SLC2A8: variants seen among roughly 807,000 people sequenced by gnomAD.
SLC2A8 encodes the protein solute carrier family 2, facilitated glucose transporter member 8.
SLC2A8 carries 53 observed loss-of-function variants against 49.2 expected under a neutral mutation model. The observed-to-expected ratio is 1.08, with a 90% confidence interval of 0.86 to 1.35. SLC2A8 has a LOEUF of 1.35. Among genes scored for constraint, SLC2A8 ranks in the 40% most tolerant of loss-of-function variants. The probability of loss-of-function intolerance (pLI) is 0.00; values close to 1 mark genes in which losing one functional copy is unlikely to be tolerated. For synonymous variants in SLC2A8, 299 were observed against 297.0 expected, an observed-to-expected ratio of 1.01 and a Z score of -0.07; for missense variants, 688 against 671.7, an observed-to-expected ratio of 1.02 and a Z score of -0.27.
chr9:127,402,741 C>T lies in SLC2A8; in HGVS notation c.711C>T (p.Ile237=), dbSNP rs772175308. 35 of 1,544,698 alleles carry T rather than the reference C, an allele frequency of 2.3e-5. No homozygotes were observed. The highest frequency in any genetic ancestry group is 2.8e-5 in the Non-Finnish European group (32 of 1,145,182). Reference sequence around the variant, plus strand: ...AGCAGGGCTGGGAAGACCCCCCCATCGGGGCTGAGCAGGTGAGAGGCTGGA... The same window carrying T: ...AGCAGGGCTGGGAAGACCCCCCCATTGGGGCTGAGCAGGTGAGAGGCTGGA... The part of the protein sequence containing the change: ...GSEQGWEDPP[I]GAEQSFHLAL... The change falls in exon 5 of 10, where the codon ATC becomes ATT. Residue 237 remains isoleucine (I), a synonymous_variant. Transcript: ENST00000373371.
chr9:127,397,423 T>C lies in SLC2A8; in HGVS notation c.104T>C (p.Leu35Pro). The C allele has an allele frequency of 6.7e-7, 1 of 1,485,764 alleles. No homozygotes were observed. The highest frequency in any genetic ancestry group is 1.3e-5 in the South Asian group (1 of 78,890). The allele number at this position is 1,485,764 out of a possible 1,614,324, so 92.0% of individuals were successfully genotyped here. A position where few individuals can be genotyped will look rare whatever the true frequency, so the allele number is the denominator to read the frequency against. Residue 35 changes from leucine to proline, a missense_variant, in exon 2 of 10, where the codon CTG (leucine) becomes CCG (proline). By Grantham distance (98) the Leu-to-Pro change is moderately conservative. Transcript: ENST00000373371. The stretch of plus-strand genomic sequence containing the variant: ...TTCCTCGCCGCCTTCGCCGCTGCCC[T>C]GGGCCCACTCAGCTTCGGCTTCGCG... ...RVFLAAFAAALGPLSFGFALG... is the reference protein window; with the variant it reads ...RVFLAAFAAAPGPLSFGFALG...
At chr9:127,405,856 T>C in intron 9 of SLC2A8, among the ~76,000 whole-genome samples, 1 of 152,086 alleles carries the variant, frequency 6.6e-6, no homozygotes, top group East Asian at 1.9e-4. Context: ...GAGCCTAAGG[T>C]CTTACATGGG....
At chr9:127,406,136 C>T in intron 9 of SLC2A8, 1 of 504,340 alleles carries the variant, frequency 2.0e-6, no homozygotes, top group Non-Finnish European at 4.0e-6. Flanking sequence ...GTTGTTTGTT[C>T]AGTCATTTGT....
intron 3 of SLC2A8, 144 bp downstream of exon 3, chr9:127,398,255 G>C (rs1339472763): frequency 3.4e-6 from 3 of 871,498 alleles, no homozygotes; most frequent in Non-Finnish European, 6.0e-6. Context: ...GTTATCTCGC[G>C]GTCCCTCCCG....
rs1244427158 is a variant in SLC2A8, at chr9:127,405,572, G to A, written c.1296+7G>A. On this transcript the variant is annotated splice_region_variant and intron_variant, in intron 9 of 9. Coordinates refer to ENST00000373371, the MANE Select transcript of SLC2A8 (RefSeq NM_014580.5). ...GGAGTTCAGCAGCCTCATGGTGAGG[G>A]CAGGCTCCACCAGCACCGCGTTCGT... The A allele has an allele frequency of 3.7e-6, 6 of 1,612,858 alleles. No individual in the cohort carries two copies. The highest frequency in any genetic ancestry group is 4.2e-6 in the Non-Finnish European group (5 of 1,179,946).
rs1287798511 is a variant in SLC2A8, at chr9:127,407,535, GC to G, written c.*288del. On this transcript the variant is annotated 3_prime_UTR_variant, in exon 10 of 10. Coordinates refer to ENST00000373371, the MANE Select transcript of SLC2A8 (RefSeq NM_014580.5). ...ACTAAAGCAGCGGAAGAGGAGGTGG[GC>G]CTCTAGGATCTTTGTCTTCTGGCTG... 1 of 529,432 alleles carries G rather than the reference GC, an allele frequency of 1.9e-6. No individual in the cohort carries two copies. The highest frequency in any genetic ancestry group is 3.8e-6 in the Non-Finnish European group (1 of 265,678). 32.8% of individuals were successfully genotyped at this position (529,432 alleles called of 1,614,324 possible).
chr9:127,405,646 C>A, intron 9 of SLC2A8, 81 bp downstream of exon 9: 1 of 1,554,664 alleles, frequency 6.4e-7, no homozygotes, highest in Non-Finnish European at 8.7e-7. Flanking sequence ...TGCAGAAGAC[C>A]CAGGGTCGTG....
rs774142933 is a variant in SLC2A8, at chr9:127,402,649, C to T, written c.619C>T (p.Arg207Cys). 55 of 1,592,026 alleles carry T rather than the reference C, an allele frequency of 3.5e-5. No homozygotes were observed. The East Asian group carries it at 7.5e-4, about 22-fold the overall frequency. The change falls in exon 5 of 10, where the codon CGC becomes TGC. Residue 207 changes from arginine (R) to cysteine (C), a missense_variant. By Grantham distance (180) the Arg-to-Cys change is radical. Transcript: ENST00000373371. Reference protein sequence around the residue: ...LLMCFMPETPRFLLTQHRRQE... With the variant: ...LLMCFMPETPCFLLTQHRRQE... ...CATGTGCTTCATGCCCGAGACCCCG[C>T]GCTTCCTGCTGACTCAGCACAGGCG...
At chr9:127,406,291 G>T (rs2131916358) in intron 9 of SLC2A8, among the ~76,000 whole-genome samples, 1 of 152,344 alleles carries the variant, frequency 6.6e-6, no homozygotes, top group Non-Finnish European at 1.5e-5. Flanking sequence ...AGTGGGGCTG[G>T]GTTAGGATGT....
chr9:127,406,266 G>A (rs1340772671), intron 9 of SLC2A8, among the ~76,000 whole-genome samples: 3 of 152,244 alleles, frequency 2.0e-5, no homozygotes, highest in Non-Finnish European at 4.4e-5. Flanking sequence ...TGGCAGTGGT[G>A]GGAGAATGAA....
chr9:127,397,774 G>GC (rs1833093900), intron 2 of SLC2A8, 131 bp from the exon 3 acceptor site: 4 of 1,120,062 alleles, frequency 3.6e-6, no homozygotes, highest in Non-Finnish European at 4.8e-6. Context: ...GGGCCCCTCA[G>GC]CCCCCTACCC....
Position 127,407,321 on chromosome 9 carries a change from C to T in SLC2A8, c.*72C>T. The T allele has an allele frequency of 3.8e-6, 6 of 1,571,328 alleles. No homozygotes were observed. In the East Asian group the frequency reaches 1.3e-4, roughly 35 times the overall value. On this transcript the variant is annotated 3_prime_UTR_variant, in exon 10 of 10. Coordinates refer to ENST00000373371, the MANE Select transcript of SLC2A8 (RefSeq NM_014580.5). ...CCCAAGCCCAGAGCCCCTGCCTGCC[C>T]CAGGGGAGCCAGAATCCAGCCCCTT...
intron 8 of SLC2A8, 44 bp from the exon 9 acceptor site, chr9:127,405,376 C>T (rs1361765193): frequency 2.0e-5 from 32 of 1,600,432 alleles, no homozygotes; most frequent in Non-Finnish European, 2.3e-5. Context: ...AGGAGCCCAG[C>T]CCTGCGGACC....
Position 127,397,370 on chromosome 9 carries a change from C to T in SLC2A8, c.57-6C>T, listed in dbSNP as rs545762974. The T allele has an allele frequency of 2.1e-6, 3 of 1,462,348 alleles. No individual in the cohort carries two copies. Among genetic ancestry groups the T allele is most frequent in the Non-Finnish European group, 2.7e-6 (3 of 1,115,832 alleles). 90.6% of individuals were successfully genotyped at this position (1,462,348 alleles called of 1,614,324 possible). On this transcript the variant is annotated splice_region_variant and splice_polypyrimidine_tract_variant and intron_variant, in intron 1 of 9. Transcript: ENST00000373371. ...GCTCCGCTCACCCTCGGCCCTGTCC[C>T]CCCAGCGCGCCCCGCGGCCGCCGCG...
chr9:127,402,598 G>C lies in SLC2A8; in HGVS notation c.568G>C (p.Val190Leu). Residue 190 changes from valine to leucine, a missense_variant, in exon 5 of 10, where the codon GTG (valine) becomes CTG (leucine). Val to Leu is a conservative substitution (Grantham distance 32). Transcript: ENST00000373371. Reference protein sequence around the residue: ...EWRWLAVLGCVPPSLMLLLMC... With the variant: ...EWRWLAVLGCLPPSLMLLLMC... ...GCGCTGGCTGGCTGTGCTGGGCTGC[G>C]TGCCCCCCTCCCTCATGCTGCTTCT... 6.3e-7 allele frequency: 1 copy of C among 1,592,486 alleles called. No individual in the cohort carries two copies. The highest frequency in any genetic ancestry group is 8.5e-7 in the Non-Finnish European group (1 of 1,172,686).
intron 9 of SLC2A8, among the ~76,000 whole-genome samples, chr9:127,406,308 G>T (rs1285005874): frequency 6.6e-6 from 1 of 152,216 alleles, no homozygotes; most frequent in Admixed American, 6.5e-5. Flanking sequence ...ATGTGGTGGG[G>T]CGGGTCATGA....
At chr9:127,404,670 T>G in intron 7 of SLC2A8, 148 bp from the exon 8 acceptor site, 4 of 903,578 alleles carry the variant, frequency 4.4e-6, no homozygotes, top group Non-Finnish European at 6.5e-6. Flanking sequence ...TGCCACCCAG[T>G]CAGGGCTTCT....
chr9:127,398,138 T>C, intron 3 of SLC2A8, 27 bp downstream of exon 3: 1 of 1,560,298 alleles, frequency 6.4e-7, no homozygotes, highest in Non-Finnish European at 8.7e-7. Context: ...TCGAGTGTCC[T>C]GTCTCGCGGC....
At chr9:127,404,795 C>T in intron 7 of SLC2A8, 23 bp from the exon 8 acceptor site, 2 of 1,600,370 alleles carry the variant, frequency 1.2e-6, no homozygotes, top group South Asian at 2.2e-5. Context: ...GTGCCCCGCC[C>T]ACTGCCGCCC....
Sources: gnomAD v4.1 joint callset for allele counts (sites outside exome capture counted in the v4.1 genomes callset) on GRCh38, gnomAD v4.1.1 for gene constraint, MANE v1.5 for transcripts, NCBI Gene and HGNC (gene_info 2026-07-23, HGNC 2026-07-21) for gene names.